LHFPL3: variants seen among roughly 807,000 people sequenced by gnomAD.
The protein encoded by LHFPL3 is LHFPL tetraspan subfamily member 3 protein.
In LHFPL3, 5 loss-of-function variants were observed where a neutral mutation model predicts 19.3. The ratio of observed to expected loss-of-function variants is 0.26; its 90% CI spans 0.14 to 0.54. The LOEUF (loss-of-function observed/expected upper bound fraction) is 0.54. Among genes scored for constraint, LHFPL3 ranks in the 20% least tolerant of loss-of-function variants. LHFPL3 has a pLI of 0.94. For synonymous variants in LHFPL3, 133 were observed against 126.2 expected (o/e 1.05, Z -0.36); for missense variants, 249 against 307.4 (o/e 0.81, Z 1.42).
intron 1 of LHFPL3, among the ~76,000 whole-genome samples, chr7:104,551,855 A>G (rs555633169): frequency 6.6e-6 from 1 of 152,300 alleles, no homozygotes; most frequent in South Asian, 2.1e-4. Flanking sequence ...ACAATCTACA[A>G]GAGGAGATCC....
At chr7:104,724,877 A>G (rs543289262) in intron 1 of LHFPL3, among the ~76,000 whole-genome samples, 1 of 152,328 alleles carries the variant, frequency 6.6e-6, no homozygotes, top group African/African-American at 2.4e-5. Flanking sequence ...TATCCTTACT[A>G]GGTAGGCCTA....
intron 1 of LHFPL3, among the ~76,000 whole-genome samples, chr7:104,554,636 T>TGGAC (rs1794724670): frequency 7.6e-6 from 1 of 132,346 alleles, no homozygotes; most frequent in Non-Finnish European, 1.6e-5. Context: ...ATAGATTAGA[T>TGGAC]AGACAGATAG....
intron 1 of LHFPL3, among the ~76,000 whole-genome samples, chr7:104,370,709 C>T (rs181727058): frequency 1.2e-4 from 19 of 152,112 alleles, no homozygotes; most frequent in Admixed American, 7.2e-4. Context: ...TGGTGAAACC[C>T]GTCTCTACTA....
chr7:104,392,882 T>G (rs1048377584), intron 1 of LHFPL3, among the ~76,000 whole-genome samples: 6 of 152,192 alleles, frequency 3.9e-5, no homozygotes, highest in African/African-American at 1.4e-4. Flanking sequence ...ATTGGTCTAT[T>G]TAGGGATTCA....
chr7:104,415,332 T>G (rs755157870), intron 1 of LHFPL3, among the ~76,000 whole-genome samples: 1 of 152,226 alleles, frequency 6.6e-6, no homozygotes, highest in Non-Finnish European at 1.5e-5. Context: ...TGATGCCTAC[T>G]GTTTTTGATA....
intron 1 of LHFPL3, among the ~76,000 whole-genome samples, chr7:104,419,171 A>G (rs375680178): frequency 6.6e-6 from 1 of 152,000 alleles, no homozygotes; most frequent in African/African-American, 2.4e-5. Context: ...ACTCCAAGGT[A>G]TATTGGTAAA....
intron 1 of LHFPL3, among the ~76,000 whole-genome samples, chr7:104,429,503 A>G (rs1223468869): frequency 6.7e-6 from 1 of 148,776 alleles, no homozygotes; most frequent in Admixed American, 6.7e-5. Flanking sequence ...TTTAGTAGAG[A>G]TGGGGTTTTA....
In LHFPL3 at chr7:104,406,591, C is replaced by A. The variant is rs558840371; in HGVS notation, c.445+77367C>A. Among the ~76,000 whole-genome samples, 7 of 152,328 alleles carry A rather than the reference C, an allele frequency of 4.6e-5. No homozygotes were observed. In the South Asian group the frequency reaches 1.4e-3, roughly 32 times the overall value. On this transcript the variant is annotated intron_variant, in intron 1 of 2. Coordinates refer to ENST00000424859, the MANE Select transcript of LHFPL3 (RefSeq NM_199000.3). Reference sequence around the variant, plus strand: ...AGAATTCTAACCCGGGTCTTCTGATCCCAGAGCCCATGATCTTTCCACTGA... The same window carrying A: ...AGAATTCTAACCCGGGTCTTCTGATACCAGAGCCCATGATCTTTCCACTGA...
rs1486547771 is a variant in LHFPL3, at chr7:104,577,066, C to A, written c.446-159609C>A. Among the ~76,000 whole-genome samples the A allele has an allele frequency of 2.0e-5, 3 of 152,308 alleles. No individual in the cohort carries two copies. In the East Asian group the frequency reaches 5.8e-4, roughly 29 times the overall value. ...CAAAATCAGCAGAATCTGATAGCCT[C>A]AGCTTTCTTATATTTCATGAAAAGG... On this transcript the variant is annotated intron_variant, in intron 1 of 2. Transcript: ENST00000424859.
chr7:104,797,136 T>C (rs984913049), intron 2 of LHFPL3, among the ~76,000 whole-genome samples: 2 of 152,202 alleles, frequency 1.3e-5, no homozygotes, highest in African/African-American at 4.8e-5. Context: ...CCTAAATTAA[T>C]GGTCAGCATG....
At chr7:104,428,925 T>G (rs57073267) in intron 1 of LHFPL3, among the ~76,000 whole-genome samples, 3 of 152,122 alleles carry the variant, frequency 2.0e-5, no homozygotes, top group African/African-American at 7.2e-5. Flanking sequence ...AGTTGAACAC[T>G]GATGTCAGGG....
Position 104,429,278 on chromosome 7 carries a change from T to C in LHFPL3, c.445+100054T>C, listed in dbSNP as rs976634900. On this transcript the variant is annotated intron_variant, in intron 1 of 2. Transcript: ENST00000424859. ...CTGGGAAAGATCCAAGGATGCATAT[T>C]TCGGAATCTACCTATGTCATTCCTT... Among the ~76,000 whole-genome samples the C allele has an allele frequency of 4.0e-5, 6 of 150,910 alleles. No individual in the cohort carries two copies. The East Asian group carries it at 1.2e-3, about 29-fold the overall frequency.
chr7:104,360,102 T>C (rs1790361915), intron 1 of LHFPL3, among the ~76,000 whole-genome samples: 1 of 152,226 alleles, frequency 6.6e-6, no homozygotes, highest in Admixed American at 6.5e-5. Flanking sequence ...AGCACAGTTA[T>C]TCCCAGAGCT....
rs1159344235 is a variant in LHFPL3 at position 104,399,091 on chromosome 7, C to T, written c.445+69867C>T. On this transcript the variant is annotated intron_variant, in intron 1 of 2. Coordinates refer to ENST00000424859, the MANE Select transcript of LHFPL3 (RefSeq NM_199000.3). This position sits in a 1 kb window ranked among gnomAD's most constrained non-coding sequence, Gnocchi z 4.4. ...GTTTCCAGAAAGTTCCTGTGTGCTA[C>T]TGAAAGACACACAGGATAGTGGGGG... Among the ~76,000 whole-genome samples the T allele has an allele frequency of 6.6e-6, 1 of 152,156 alleles. No individual in the cohort carries two copies. The highest frequency in any genetic ancestry group is 1.9e-4 in the East Asian group (1 of 5,200).
At chr7:104,807,027 G>GTGTGTGTGTT (rs752198549) in intron 2 of LHFPL3, among the ~76,000 whole-genome samples, 2 of 126,914 alleles carry the variant, frequency 1.6e-5, no homozygotes, top group Admixed American at 1.6e-4. Flanking sequence ...GTGTGTGTGT[G>GTGTGTGTGTT]TGTGTGTGTG....
chr7:104,410,071 A>G (rs1010657404), intron 1 of LHFPL3, among the ~76,000 whole-genome samples: 2 of 152,116 alleles, frequency 1.3e-5, no homozygotes. Context: ...ATATTCCTTA[A>G]CTAACCAGCT....
intron 1 of LHFPL3, among the ~76,000 whole-genome samples, chr7:104,449,713 C>G (rs1792395892): frequency 6.6e-6 from 1 of 152,188 alleles, no homozygotes; most frequent in Non-Finnish European, 1.5e-5. Context: ...GTGATTCCAT[C>G]AAAGCACAGA....
At chr7:104,386,191 T>A (rs149109641) in intron 1 of LHFPL3, among the ~76,000 whole-genome samples, 1 of 152,248 alleles carries the variant, frequency 6.6e-6, no homozygotes, top group Non-Finnish European at 1.5e-5. Context: ...GGAGTGGACA[T>A]AACAGGTTTG....
At chr7:104,368,112 C>T (rs1790529924) in intron 1 of LHFPL3, among the ~76,000 whole-genome samples, 2 of 152,164 alleles carry the variant, frequency 1.3e-5, no homozygotes, top group Non-Finnish European at 2.9e-5. Context: ...AGCTCATTAG[C>T]AGTGGGGCAT....
Sources: allele counts gnomAD v4.1 joint callset (sites outside exome capture counted in the v4.1 genomes callset), GRCh38; gene constraint gnomAD v4.1.1; non-coding constraint Gnocchi (gnomAD v3.1); transcripts MANE v1.5; gene names NCBI Gene and HGNC (gene_info 2026-07-23, HGNC 2026-07-21).